Variants in RBFOX1 observed in about 807,000 individuals in gnomAD.
RBFOX1 encodes RNA binding fox-1 homolog 1.
Under a neutral mutation model 57.7 loss-of-function variants are expected in RBFOX1, and 8 were observed. That is an observed-to-expected ratio of 0.14 (90% CI 0.08 to 0.25). The LOEUF (loss-of-function observed/expected upper bound fraction) is 0.25, where lower values mean the gene tolerates loss of function less well. RBFOX1 is among the 10% of genes least tolerant of loss of function. The pLI is 1.00. For missense variants in RBFOX1, 611 were observed against 548.5 expected (o/e 1.11, Z -1.14); for synonymous variants, 326 against 222.4 (o/e 1.47, Z -4.15).
intron 2 of RBFOX1, among the ~76,000 whole-genome samples, chr16:6,645,151 G>T (rs2098523533): frequency 6.6e-6 from 1 of 152,052 alleles, no homozygotes; most frequent in Non-Finnish European, 1.5e-5. Flanking sequence ...GTCTTCACAT[G>T]GCTTTCTCTT....
chr16:6,683,656 C>T (rs76268622), intron 3 of RBFOX1, among the ~76,000 whole-genome samples: 2,203 of 152,082 alleles, frequency 0.014, 32 homozygotes, highest in African/African-American at 0.046. Context: ...TGGCTCATAC[C>T]AGGTTTAAGG....
intron 2 of RBFOX1, among the ~76,000 whole-genome samples, chr16:6,541,358 C>A (rs777894885): frequency 5.4e-4 from 82 of 152,212 alleles, no homozygotes; most frequent in Non-Finnish European, 1.0e-3. Context: ...GAGCACTTAC[C>A]CAATGCCAGA....
At chr16:6,548,719 A>G (rs1417260094) in intron 2 of RBFOX1, among the ~76,000 whole-genome samples, 1 of 152,176 alleles carries the variant, frequency 6.6e-6, no homozygotes, top group Non-Finnish European at 1.5e-5. Context: ...TGATTCTCTC[A>G]GATCTGCTTC....
At chr16:6,219,763 C>G (rs2097359833) in intron 1 of RBFOX1, among the ~76,000 whole-genome samples, 1 of 152,100 alleles carries the variant, frequency 6.6e-6, no homozygotes, top group African/African-American at 2.4e-5. Context: ...GTAATCCCAG[C>G]TACTCAGGAG....
At chr16:7,141,413 A>G (rs1452416482) in intron 4 of RBFOX1, among the ~76,000 whole-genome samples, 1 of 152,220 alleles carries the variant, frequency 6.6e-6, no homozygotes, top group African/African-American at 2.4e-5. Flanking sequence ...GGCAGCTAGA[A>G]GACCTTATCG....
intron 2 of RBFOX1, among the ~76,000 whole-genome samples, chr16:5,513,768 A>T (rs1051347961): frequency 6.6e-6 from 1 of 152,174 alleles, no homozygotes; most frequent in African/African-American, 2.4e-5. Flanking sequence ...TGCCAGATTC[A>T]TCTGGGCCCT....
chr16:5,280,987 T>A (rs1036144929), intron 1 of RBFOX1, among the ~76,000 whole-genome samples: 2 of 152,066 alleles, frequency 1.3e-5, no homozygotes, highest in African/African-American at 2.4e-5. Flanking sequence ...TGTGTTTGGT[T>A]TGTTCTTGCT....
chr16:7,616,198 A>G (rs12444690), intron 10 of RBFOX1, among the ~76,000 whole-genome samples: 30,255 of 152,220 alleles, frequency 0.2, 3,334 homozygotes, highest in African/African-American at 0.27. Context: ...TTATTATAAC[A>G]AAAGGATACA....
At chr16:5,730,193 C>T (rs2052313058) in intron 3 of RBFOX1, among the ~76,000 whole-genome samples, 1 of 152,182 alleles carries the variant, frequency 6.6e-6, no homozygotes, top group Non-Finnish European at 1.5e-5. Context: ...AGATCACCAG[C>T]CTACCACAAT....
chr16:6,840,897 A>AAAAGAAAAAG (rs1555518572), intron 3 of RBFOX1, among the ~76,000 whole-genome samples: 3 of 137,500 alleles, frequency 2.2e-5, no homozygotes, highest in East Asian at 4.5e-4. Context: ...CAAAAAAAAA[A>AAAAGAAAAAG]AAAAAAACGA....
chr16:7,666,978 C>A (rs560464171), intron 13 of RBFOX1, among the ~76,000 whole-genome samples: 7 of 152,246 alleles, frequency 4.6e-5, no homozygotes, highest in Middle Eastern at 3.4e-3. Flanking sequence ...ATAAAACTGC[C>A]CTTTCTCTGA....
At chr16:5,826,889 C>T (rs1198888321) in intron 3 of RBFOX1, among the ~76,000 whole-genome samples, 1 of 152,116 alleles carries the variant, frequency 6.6e-6, no homozygotes, top group Admixed American at 6.5e-5. Context: ...AGCTAAGGAG[C>T]CCTGAATCCT....
At chr16:5,613,414 T>A (rs1349844416) in intron 3 of RBFOX1, among the ~76,000 whole-genome samples, 1 of 152,134 alleles carries the variant, frequency 6.6e-6, no homozygotes, top group Non-Finnish European at 1.5e-5. Flanking sequence ...ATCCCATATA[T>A]GTAGGGATCT....
intron 3 of RBFOX1, among the ~76,000 whole-genome samples, chr16:6,937,800 A>G (rs889587284): frequency 4.6e-5 from 7 of 151,840 alleles, no homozygotes; most frequent in African/African-American, 1.7e-4. Context: ...GGCTGTGGAG[A>G]GATTAGATTG....
At chr16:5,816,703 G>C (rs759586369) in intron 3 of RBFOX1, among the ~76,000 whole-genome samples, 1 of 152,120 alleles carries the variant, frequency 6.6e-6, no homozygotes, top group Non-Finnish European at 1.5e-5. Flanking sequence ...AGGATTGTTT[G>C]AGCCTGGGAG....
intron 2 of RBFOX1, among the ~76,000 whole-genome samples, chr16:6,492,205 A>G (rs907390092): frequency 6.6e-6 from 1 of 152,168 alleles, no homozygotes; most frequent in African/African-American, 2.4e-5. Flanking sequence ...TGTTGATGAA[A>G]CAGGCATTTT....
intron 2 of RBFOX1, among the ~76,000 whole-genome samples, chr16:6,376,643 T>C (rs937295646): frequency 1.3e-5 from 2 of 152,170 alleles, no homozygotes; most frequent in Admixed American, 6.5e-5. Flanking sequence ...AAACCAGCAG[T>C]CCTTGGTTTA....
At chr16:5,613,765 T>C (rs2047912903) in intron 3 of RBFOX1, among the ~76,000 whole-genome samples, 3 of 152,072 alleles carry the variant, frequency 2.0e-5, no homozygotes, top group African/African-American at 7.2e-5. Context: ...TTCAAGGTTC[T>C]GTCATCCTTG....
chr16:5,817,308 C>G (rs751660029), intron 3 of RBFOX1, among the ~76,000 whole-genome samples: 2 of 152,160 alleles, frequency 1.3e-5, no homozygotes, highest in East Asian at 3.8e-4. Flanking sequence ...CCCAGTTCCC[C>G]TCACATTTCT....
Sources: gnomAD v4.1 joint callset for allele counts (sites outside exome capture counted in the v4.1 genomes callset) on GRCh38, gnomAD v4.1.1 for gene constraint, MANE v1.5 for transcripts, NCBI Gene and HGNC (gene_info 2026-07-23, HGNC 2026-07-21) for gene names.